Variants in JPH1 observed in about 807,000 individuals in gnomAD.
JPH1 encodes junctophilin 1, also known as junctophilin-1.
JPH1 carries 12 observed loss-of-function variants against 53.6 expected under a neutral mutation model. The observed-to-expected ratio is 0.22, with a 90% CI of 0.14 to 0.36. The LOEUF (loss-of-function observed/expected upper bound fraction) is 0.36, where lower values mean the gene tolerates loss of function less well. Among genes scored for constraint, JPH1 ranks in the 10% least tolerant of loss-of-function variants. The pLI is 1.00. For missense variants in JPH1, 808 were observed against 905.5 expected, an observed-to-expected ratio of 0.89 and a Z score of 1.38; for synonymous variants, 375 against 363.8, an observed-to-expected ratio of 1.03 and a Z score of -0.35.
chr8:74,314,955 G>C lies in JPH1; in HGVS notation c.1045C>G (p.His349Asp), dbSNP rs1337527944. 6.2e-7 allele frequency: 1 copy of C among 1,614,118 alleles called. No homozygotes were observed. Residue 349 changes from histidine to aspartate, a missense_variant, in exon 2 of 6, where the codon CAT becomes GAT. Physicochemically the swap from His to Asp is moderately conservative, Grantham distance 81. Coordinates refer to ENST00000342232, the MANE Select transcript of JPH1 (RefSeq NM_020647.4). Reference protein sequence around the residue: ...GIRKQLIPIRHTKTREKVDRA... With the variant: ...GIRKQLIPIRDTKTREKVDRA... ...TCCACCTTCTCCCTAGTTTTTGTAT[G>C]TCTTATTGGTATAAGCTGCTTCCTT...
At chr8:74,307,329 T>C (rs1388654022) in intron 2 of JPH1, among the ~76,000 whole-genome samples, 1 of 152,212 alleles carries the variant, frequency 6.6e-6, no homozygotes, top group African/African-American at 2.4e-5. Flanking sequence ...CACTCTCCCA[T>C]TCAATTCTCA....
intron 2 of JPH1, among the ~76,000 whole-genome samples, chr8:74,297,158 C>CA (rs1467538039): frequency 1.6e-4 from 24 of 152,170 alleles, no homozygotes; most frequent in African/African-American, 5.8e-4. Flanking sequence ...TCAGACTGCC[C>CA]AACAGAGACT....
At chr8:74,276,876 T>A (rs1272680212) in intron 2 of JPH1, among the ~76,000 whole-genome samples, 1 of 152,234 alleles carries the variant, frequency 6.6e-6, no homozygotes, top group Non-Finnish European at 1.5e-5. Flanking sequence ...ATATATACAG[T>A]TCTCCTTATT....
intron 2 of JPH1, among the ~76,000 whole-genome samples, chr8:74,307,326 C>T (rs1279686980): frequency 6.6e-6 from 1 of 152,152 alleles, no homozygotes; most frequent in Non-Finnish European, 1.5e-5. Context: ...ACCCACTCTC[C>T]CATTCAATTC....
intron 2 of JPH1, among the ~76,000 whole-genome samples, chr8:74,304,015 C>G (rs1471798009): frequency 1.3e-5 from 2 of 152,174 alleles, no homozygotes; most frequent in African/African-American, 4.8e-5. Flanking sequence ...GTCCACTGTC[C>G]TTTGCACCCA....
At chr8:74,239,784 A>ATGAG (rs924041674) in intron 4 of JPH1, among the ~76,000 whole-genome samples, 327 of 152,112 alleles carry the variant, frequency 2.1e-3, no homozygotes, top group Non-Finnish European at 3.1e-3. Context: ...TCCTTTGAGC[A>ATGAG]TCATGTTGGT....
intron 2 of JPH1, among the ~76,000 whole-genome samples, chr8:74,277,550 T>C (rs1351557215): frequency 6.6e-6 from 1 of 152,224 alleles, no homozygotes; most frequent in African/African-American, 2.4e-5. Flanking sequence ...AATCCATTTC[T>C]ATGGTGGTTA....
intron 2 of JPH1, among the ~76,000 whole-genome samples, chr8:74,309,816 T>C (rs1189816341): frequency 6.6e-6 from 1 of 152,224 alleles, no homozygotes; most frequent in Non-Finnish European, 1.5e-5. Context: ...AGAGCCTCAG[T>C]CCCTGCCACT....
rs1304179113 is a variant in JPH1 at position 74,277,878 on chromosome 8, T to TA, written c.1140-18376dup. On this transcript the variant is annotated intron_variant, in intron 2 of 5. Transcript: ENST00000342232. ...ATATTCACATGGCTCAAAGATATAT[T>TA]AAAAAAAACAGGAAGAGTCTCCCAT... 2.6e-5 allele frequency among the ~76,000 whole-genome samples: 4 copies of TA among 151,836 alleles called. No individual in the cohort carries two copies. The East Asian group carries it at 5.8e-4, about 22-fold the overall frequency.
At chr8:74,284,218 C>G (rs972329434) in intron 2 of JPH1, among the ~76,000 whole-genome samples, 1 of 152,204 alleles carries the variant, frequency 6.6e-6, no homozygotes, top group Non-Finnish European at 1.5e-5. Flanking sequence ...GTAAACTGAA[C>G]TCTCTCCTTT....
intron 2 of JPH1, among the ~76,000 whole-genome samples, chr8:74,271,028 C>T (rs1444674905): frequency 2.0e-5 from 3 of 152,138 alleles, no homozygotes; most frequent in Non-Finnish European, 4.4e-5. Flanking sequence ...TGGAACTACT[C>T]CTCACCAATC....
At chr8:74,259,172 T>C (rs1806319435) in intron 3 of JPH1, among the ~76,000 whole-genome samples, 1 of 152,140 alleles carries the variant, frequency 6.6e-6, no homozygotes, top group African/African-American at 2.4e-5. Flanking sequence ...TACATGCAAA[T>C]ACAGAAAAAT....
chr8:74,263,616 C>T (rs1175529316), intron 2 of JPH1, among the ~76,000 whole-genome samples: 2 of 152,192 alleles, frequency 1.3e-5, no homozygotes, highest in East Asian at 1.9e-4. Context: ...GCACCACCTT[C>T]GGAGTATATT....
chr8:74,288,815 A>G (rs1807241740), intron 2 of JPH1, among the ~76,000 whole-genome samples: 1 of 152,246 alleles, frequency 6.6e-6, no homozygotes, highest in Non-Finnish European at 1.5e-5. Flanking sequence ...CTAAATAAAC[A>G]GAAGGTGTGA....
Position 74,282,449 on chromosome 8 carries a change from G to C in JPH1, c.1140-22946C>G, listed in dbSNP as rs140219885. On this transcript the variant is annotated intron_variant, in intron 2 of 5. Transcript: ENST00000342232. Reference sequence around the variant, plus strand: ...TTTTTTTCTGTGCCATTAGGATAGAGATGTCACGAATATGCATGCTGAGGT... The same window carrying C: ...TTTTTTTCTGTGCCATTAGGATAGACATGTCACGAATATGCATGCTGAGGT... 2.5e-3 allele frequency among the ~76,000 whole-genome samples: 377 copies of C among 152,304 alleles called. 3 individuals carry two copies. The highest frequency in any genetic ancestry group is 8.4e-3 in the African/African-American group (349 of 41,558).
intron 3 of JPH1, among the ~76,000 whole-genome samples, chr8:74,250,843 C>T (rs1021505544): frequency 6.6e-6 from 1 of 152,120 alleles, no homozygotes; most frequent in Non-Finnish European, 1.5e-5. Flanking sequence ...ACCAGACTGA[C>T]GTACAATCCT....
intron 1 of JPH1, among the ~76,000 whole-genome samples, chr8:74,316,642 G>T (rs1231456076): frequency 6.6e-6 from 1 of 152,180 alleles, no homozygotes; most frequent in Non-Finnish European, 1.5e-5. Context: ...CAGAGGAAAG[G>T]TATATTTGAC....
intron 2 of JPH1, among the ~76,000 whole-genome samples, chr8:74,265,090 A>T (rs1197921182): frequency 6.6e-6 from 1 of 152,200 alleles, no homozygotes; most frequent in East Asian, 1.9e-4. Context: ...TATGTAACTC[A>T]TTATAGTGTC....
At chr8:74,237,329 C>T (rs751725513) in intron 4 of JPH1, 26 bp from the exon 5 acceptor site, 2 of 1,536,140 alleles carry the variant, frequency 1.3e-6, no homozygotes, top group East Asian at 2.2e-5. Flanking sequence ...AACAAAGTAA[C>T]TATAACTTCT....
Sources: allele counts gnomAD v4.1 joint callset (sites outside exome capture counted in the v4.1 genomes callset), GRCh38; gene constraint gnomAD v4.1.1; transcripts MANE v1.5; gene names NCBI Gene and HGNC (gene_info 2026-07-23, HGNC 2026-07-21).